The following UVRAG variants were observed in gnomAD, a reference collection of about 807,000 sequenced individuals.
UVRAG encodes UV radiation resistance associated.
Under a neutral mutation model 78.0 loss-of-function variants are expected in UVRAG, and 19 were observed. The observed-to-expected ratio is 0.24, with a 90% CI of 0.17 to 0.36. UVRAG has a LOEUF of 0.36. UVRAG is among the 10% of genes least tolerant of loss of function. UVRAG has a pLI of 1.00. For synonymous variants in UVRAG, 323 were observed against 324.6 expected (o/e 1.00, Z 0.05); for missense variants, 740 against 853.8 (o/e 0.87, Z 1.66).
chr11:75,830,378 T>C (rs1054230865), intron 1 of UVRAG, among the ~76,000 whole-genome samples: 7 of 151,952 alleles, frequency 4.6e-5, no homozygotes, highest in African/African-American at 1.7e-4. Context: ...CAAGCGATTC[T>C]CCTGCCTCAG....
intron 8 of UVRAG, among the ~76,000 whole-genome samples, chr11:75,990,434 A>C (rs2135296921): frequency 6.6e-6 from 1 of 152,290 alleles, no homozygotes; most frequent in African/African-American, 2.4e-5. Context: ...TGATCAGATG[A>C]GTTATGAAGA....
intron 1 of UVRAG, among the ~76,000 whole-genome samples, chr11:75,850,387 A>C (rs1386392804): frequency 6.6e-6 from 1 of 152,186 alleles, no homozygotes; most frequent in African/African-American, 2.4e-5. Context: ...GTCTACCATC[A>C]GCAAATGCAT....
chr11:76,040,794 A>G (rs1161119163), intron 12 of UVRAG, among the ~76,000 whole-genome samples: 1 of 151,936 alleles, frequency 6.6e-6, no homozygotes, highest in Non-Finnish European at 1.5e-5. Context: ...TGACTTTGTG[A>G]TCCGCCTGCC....
At chr11:75,944,394 G>A (rs11828568) in intron 6 of UVRAG, among the ~76,000 whole-genome samples, 20,419 of 152,126 alleles carry the variant, frequency 0.13, 3,044 homozygotes, top group African/African-American at 0.37. Context: ...AAGATGAAGA[G>A]GTGTAAGCTA....
At position 76,084,018 on chromosome 11, in the gene UVRAG, C is replaced by T. The variant is rs146777640; in HGVS notation, c.1305+18230C>T. Among the ~76,000 whole-genome samples, 47 of 152,238 alleles carry T rather than the reference C, an allele frequency of 3.1e-4. 1 individual carries two copies. Among genetic ancestry groups the T allele is most frequent in the African/African-American group, 8.9e-4 (37 of 41,528 alleles). ...TGGTTAGTGCTGCCTTAGGACTGAC[C>T]GCACTGTCTTTTGAGTTGACCTGTA... is the stretch of plus-strand genomic sequence containing the variant. On this transcript the variant is annotated intron_variant, in intron 13 of 14. Coordinates refer to ENST00000356136, the MANE Select transcript of UVRAG (RefSeq NM_003369.4).
chr11:75,951,899 G>T (rs895908112), intron 6 of UVRAG, among the ~76,000 whole-genome samples: 1 of 152,088 alleles, frequency 6.6e-6, no homozygotes, highest in Non-Finnish European at 1.5e-5. Context: ...TTGGGTTTTT[G>T]ATTGGGATTG....
intron 6 of UVRAG, among the ~76,000 whole-genome samples, chr11:75,920,464 C>T (rs147287529): frequency 2.0e-5 from 3 of 152,220 alleles, no homozygotes; most frequent in Admixed American, 6.5e-5. Context: ...TAAAGACACA[C>T]ATATACACAC....
At chr11:75,921,977 G>GTA (rs1479665826) in intron 6 of UVRAG, among the ~76,000 whole-genome samples, 1 of 151,930 alleles carries the variant, frequency 6.6e-6, no homozygotes, top group Non-Finnish European at 1.5e-5. Flanking sequence ...AATCAAGTAA[G>GTA]GCACGTCCTG....
chr11:76,090,810 C>T (rs1182463865), intron 13 of UVRAG, among the ~76,000 whole-genome samples: 1 of 152,158 alleles, frequency 6.6e-6, no homozygotes, highest in Non-Finnish European at 1.5e-5. Flanking sequence ...GTTAGATATA[C>T]AATAAATTAC....
intron 11 of UVRAG, among the ~76,000 whole-genome samples, chr11:76,011,622 T>C (rs1950052185): frequency 6.6e-6 from 1 of 152,182 alleles, no homozygotes; most frequent in Admixed American, 6.5e-5. Context: ...AGACTCTGTC[T>C]AAAAACAAAA....
intron 13 of UVRAG, among the ~76,000 whole-genome samples, chr11:76,106,862 A>C (rs527947009): frequency 8.5e-5 from 13 of 152,140 alleles, no homozygotes; most frequent in Middle Eastern, 3.2e-3. Flanking sequence ...ACATTAATGG[A>C]TCCTACTCAA....
At chr11:75,891,258 A>G (rs936740926) in intron 5 of UVRAG, among the ~76,000 whole-genome samples, 1 of 152,192 alleles carries the variant, frequency 6.6e-6, no homozygotes, top group African/African-American at 2.4e-5. Flanking sequence ...AGCACCTGCC[A>G]CAGTTTTTGG....
intron 6 of UVRAG, among the ~76,000 whole-genome samples, chr11:75,920,030 T>TTTTG (rs1947944774): frequency 8.4e-6 from 1 of 118,458 alleles, no homozygotes; most frequent in Non-Finnish European, 1.7e-5. Context: ...TTTTTTTTTT[T>TTTTG]TTTTTTTTTT....
intron 12 of UVRAG, among the ~76,000 whole-genome samples, chr11:76,065,478 A>G (rs73001577): frequency 7.3e-4 from 111 of 152,330 alleles, no homozygotes; most frequent in South Asian, 2.1e-3. Flanking sequence ...TTTCTTAAAC[A>G]TTAGTTCCTT....
At chr11:76,127,493 T>C (rs865821575) in intron 14 of UVRAG, among the ~76,000 whole-genome samples, 1 of 147,846 alleles carries the variant, frequency 6.8e-6, no homozygotes, top group Non-Finnish European at 1.5e-5. Flanking sequence ...TCTCTATTAA[T>C]ACAGAAAGTT....
At chr11:75,866,592 C>CT (rs958252347) in intron 3 of UVRAG, among the ~76,000 whole-genome samples, 22 of 146,574 alleles carry the variant, frequency 1.5e-4, no homozygotes, top group Non-Finnish European at 2.1e-4. Flanking sequence ...AAACTTTGTG[C>CT]TTTTTTTTTT....
At chr11:76,078,659 T>C (rs1180848798) in intron 13 of UVRAG, among the ~76,000 whole-genome samples, 1 of 150,504 alleles carries the variant, frequency 6.6e-6, no homozygotes, top group Non-Finnish European at 1.5e-5. Flanking sequence ...ATCCCAGCAC[T>C]TTGGGAGGCC....
rs189822843 is a variant in UVRAG, at chr11:76,091,119, T to C, written c.1306-24805T>C. Reference sequence around the variant, plus strand: ...CTTGTAAATCTGAAAATTATCTTTATTCTTCTCTGACTGAAATGGAATGTT... The same window carrying C: ...CTTGTAAATCTGAAAATTATCTTTACTCTTCTCTGACTGAAATGGAATGTT... On this transcript the variant is annotated intron_variant, in intron 13 of 14. Transcript: ENST00000356136. Among the ~76,000 whole-genome samples the C allele has an allele frequency of 4.7e-4, 71 of 152,366 alleles. No individual in the cohort carries two copies. The East Asian group carries it at 0.012, about 26-fold the overall frequency.
chr11:75,907,159 G>A (rs1382277059), intron 5 of UVRAG, among the ~76,000 whole-genome samples: 1 of 152,170 alleles, frequency 6.6e-6, no homozygotes, highest in Non-Finnish European at 1.5e-5. Flanking sequence ...AACATGGGAT[G>A]CCATTTTATT....
Sources: gnomAD v4.1 joint callset for allele counts (sites outside exome capture counted in the v4.1 genomes callset) on GRCh38, gnomAD v4.1.1 for gene constraint, MANE v1.5 for transcripts, NCBI Gene and HGNC (gene_info 2026-07-23, HGNC 2026-07-21) for gene names.